The following TBL1XR1 variants were observed in gnomAD, a reference collection of about 807,000 sequenced individuals.
TBL1XR1 encodes TBL1X/Y related 1.
A neutral mutation model predicts 66.9 loss-of-function variants in TBL1XR1; 5 were observed. That is an observed-to-expected ratio of 0.07 (90% CI 0.04 to 0.16). TBL1XR1 has a LOEUF of 0.16. TBL1XR1 is among the 10% of genes least tolerant of loss of function. The probability of loss-of-function intolerance (pLI) is 1.00; values close to 1 mark genes in which losing one functional copy is unlikely to be tolerated. For missense variants in TBL1XR1, 238 were observed against 623.2 expected (o/e 0.38, Z 6.58); for synonymous variants, 210 against 206.0 (o/e 1.02, Z -0.17).
chr3:177,144,089 T>C (rs185732903), intron 1 of TBL1XR1, among the ~76,000 whole-genome samples: 2 of 151,922 alleles, frequency 1.3e-5, no homozygotes, highest in East Asian at 1.9e-4. Context: ...CTACTAAAAA[T>C]ACAAAATTAG....
intron 1 of TBL1XR1, among the ~76,000 whole-genome samples, chr3:177,181,247 C>G (rs758366825): frequency 1.3e-5 from 2 of 151,782 alleles, no homozygotes; most frequent in Non-Finnish European, 2.9e-5. Context: ...TGGGAGGCCA[C>G]GGTGGGTGGA....
At chr3:177,056,917 C>A (rs1344306332) in intron 3 of TBL1XR1, among the ~76,000 whole-genome samples, 2 of 152,048 alleles carry the variant, frequency 1.3e-5, no homozygotes, top group African/African-American at 4.8e-5. Flanking sequence ...CCCTCCTCCT[C>A]AATTCAGTAT....
rs73187526 is a variant in TBL1XR1 at position 177,088,656 on chromosome 3, G to C, written c.-46+9810C>G. On this transcript the variant is annotated intron_variant, in intron 2 of 15. Coordinates refer to ENST00000457928, the MANE Select transcript of TBL1XR1 (RefSeq NM_024665.7). ...CAGCCTCTAATGACAAAGATACAAG[G>C]AATCAGTTAAATATAACTCCAATTT... Among the ~76,000 whole-genome samples, 638 of 151,194 alleles carry C rather than the reference G, an allele frequency of 4.2e-3. 4 individuals carry two copies. Among genetic ancestry groups the C allele is most frequent in the African/African-American group, 0.015 (615 of 41,122 alleles).
chr3:177,110,059 C>G (rs903204913), intron 1 of TBL1XR1, among the ~76,000 whole-genome samples: 2 of 152,084 alleles, frequency 1.3e-5, no homozygotes, highest in African/African-American at 4.8e-5. Context: ...GTGCCTGATG[C>G]CTCCTATATA....
chr3:177,124,687 T>C (rs2141599), intron 1 of TBL1XR1, among the ~76,000 whole-genome samples: 94,746 of 151,872 alleles, frequency 0.62, 29,787 homozygotes, highest in Middle Eastern at 0.71. Context: ...GGGAACACAG[T>C]GCTTAACTCA....
chr3:177,182,302 T>C (rs1336389359), intron 1 of TBL1XR1, among the ~76,000 whole-genome samples: 1 of 152,098 alleles, frequency 6.6e-6, no homozygotes, highest in Non-Finnish European at 1.5e-5. Flanking sequence ...TAGGACCACC[T>C]GAGCCCGGGG....
At chr3:177,062,234 A>T (rs1472598604) in intron 3 of TBL1XR1, among the ~76,000 whole-genome samples, 1 of 152,196 alleles carries the variant, frequency 6.6e-6, no homozygotes, top group Non-Finnish European at 1.5e-5. Flanking sequence ...CATGTATTCC[A>T]TGTTTTCTAC....
intron 2 of TBL1XR1, among the ~76,000 whole-genome samples, chr3:177,078,193 C>G (rs1451342668): frequency 6.6e-6 from 1 of 152,148 alleles, no homozygotes; most frequent in African/African-American, 2.4e-5. Context: ...CCTGTTTTAA[C>G]AAAACAAATC....
upstream of TBL1XR1, among the ~76,000 whole-genome samples, chr3:177,199,255 A>AG (rs1210699021): frequency 2.6e-5 from 4 of 152,250 alleles, no homozygotes; most frequent in Non-Finnish European, 5.9e-5. Flanking sequence ...CAGAGTGTAC[A>AG]GGGAAACCGC....
chr3:177,181,771 C>T (rs1734850158), intron 1 of TBL1XR1, among the ~76,000 whole-genome samples: 1 of 151,144 alleles, frequency 6.6e-6, no homozygotes, highest in South Asian at 2.1e-4. Flanking sequence ...AGAAAAAAAG[C>T]CAGGCAAGAA....
intron 1 of TBL1XR1, among the ~76,000 whole-genome samples, chr3:177,153,091 C>T (rs1731085686): frequency 6.6e-6 from 1 of 152,092 alleles, no homozygotes; most frequent in Non-Finnish European, 1.5e-5. Flanking sequence ...GCCAAAATTG[C>T]ACCACTGCAC....
chr3:177,095,724 C>T (rs963102007), intron 2 of TBL1XR1, among the ~76,000 whole-genome samples: 1 of 152,032 alleles, frequency 6.6e-6, no homozygotes, highest in East Asian at 1.9e-4. Context: ...ACAAGTGATC[C>T]GCCTGCCTCG....
intron 1 of TBL1XR1, chr3:177,125,974 G>A (rs1459547909): frequency 1.3e-5 from 2 of 152,092 alleles, no homozygotes; most frequent in African/African-American, 4.8e-5. Flanking sequence ...ATATATTTAT[G>A]AAGTACACAA....
chr3:177,074,244 T>G (rs183082204), intron 2 of TBL1XR1, among the ~76,000 whole-genome samples: 19 of 152,280 alleles, frequency 1.2e-4, no homozygotes, highest in African/African-American at 4.6e-4. Flanking sequence ...AGCTAGAGAA[T>G]AGAGAGGCAT....
chr3:177,197,215 A>C lies in TBL1XR1; in HGVS notation c.-216T>G, dbSNP rs1736981711. The C allele has an allele frequency of 6.6e-6, 1 of 150,774 alleles. No individual in the cohort carries two copies. Among genetic ancestry groups the C allele is most frequent in the Non-Finnish European group, 1.5e-5 (1 of 67,932 alleles). The allele number at this position is 150,774 out of a possible 1,614,324, so 9.3% of individuals were successfully genotyped here. A position where few individuals can be genotyped will look rare whatever the true frequency, so the allele number is the denominator to read the frequency against. ...GCCGCCGCCGCCACCGCCTCCAACC[A>C]CCCCCAAAATAACCCCTCCGGGGGG... On this transcript the variant is annotated 5_prime_UTR_variant, in exon 1 of 16. Coordinates refer to ENST00000457928, the MANE Select transcript of TBL1XR1 (RefSeq NM_024665.7).
intron 1 of TBL1XR1, among the ~76,000 whole-genome samples, chr3:177,177,685 C>T (rs1435639549): frequency 6.6e-6 from 1 of 152,024 alleles, no homozygotes; most frequent in Non-Finnish European, 1.5e-5. Context: ...AAATTATTTC[C>T]AGTACTCTAA....
Position 177,114,074 on chromosome 3 carries a change from T to C in TBL1XR1, c.-121-15533A>G, listed in dbSNP as rs532038780. ...TTCAAGAGATCAATTATACAGCAAT[T>C]TGACTAAAGTTAAAAATGGCATATT... On this transcript the variant is annotated intron_variant, in intron 1 of 15. Coordinates refer to ENST00000457928, the MANE Select transcript of TBL1XR1 (RefSeq NM_024665.7). 2.6e-5 allele frequency among the ~76,000 whole-genome samples: 4 copies of C among 152,202 alleles called. No individual in the cohort carries two copies. The South Asian group carries it at 8.3e-4, about 32-fold the overall frequency.
At chr3:177,124,141 T>C (rs1727326041) in intron 1 of TBL1XR1, among the ~76,000 whole-genome samples, 1 of 152,008 alleles carries the variant, frequency 6.6e-6, no homozygotes, top group African/African-American at 2.4e-5. Context: ...ATAATAACAT[T>C]AGCTAATCAA....
chr3:177,180,860 T>C (rs1734735073), intron 1 of TBL1XR1, among the ~76,000 whole-genome samples: 2 of 151,926 alleles, frequency 1.3e-5, no homozygotes, highest in Non-Finnish European at 2.9e-5. Flanking sequence ...CCTCAGCCTC[T>C]GGAGTAGCTA....
Sources: allele counts gnomAD v4.1 joint callset (sites outside exome capture counted in the v4.1 genomes callset), GRCh38; gene constraint gnomAD v4.1.1; transcripts MANE v1.5; gene names NCBI Gene and HGNC (gene_info 2026-07-23, HGNC 2026-07-21).